CFHR4: variants seen among roughly 807,000 people sequenced by gnomAD.
The protein encoded by CFHR4 is complement factor H related 4.
A neutral mutation model predicts 69.3 loss-of-function variants in CFHR4; 64 were observed. The observed-to-expected ratio is 0.92, with a 90% CI of 0.76 to 1.14. The LOEUF (loss-of-function observed/expected upper bound fraction) is 1.14, where lower values mean the gene tolerates loss of function less well. CFHR4 is among the 50% of genes most tolerant of loss of function. CFHR4 has a pLI of 0.00. For missense variants in CFHR4, 636 were observed against 684.9 expected (o/e 0.93, Z 0.80); for synonymous variants, 244 against 237.0 (o/e 1.03, Z -0.27).
At position 196,912,924 on chromosome 1, in the gene CFHR4, T is replaced by C. The variant is rs186328486; in HGVS notation, c.1180+2T>C. ...GGTCAGCACAACCAATTTGCATTAG[T>C]AAGTGATTTACATATTCCCATTCAG... is the stretch of plus-strand genomic sequence containing the variant. On this transcript the variant is annotated splice_donor_variant, in intron 7 of 9. Transcript: ENST00000608469. LOFTEE classifies it high-confidence loss of function. 1.5e-4 allele frequency: 244 copies of C among 1,610,592 alleles called. 5 individuals carry two copies. In the East Asian group the frequency reaches 3.2e-3, roughly 21 times the overall value.
At chr1:196,910,153 A>C in intron 5 of CFHR4, 128 bp from the exon 6 acceptor site, 4 of 596,226 alleles carry the variant, frequency 6.7e-6, no homozygotes, top group Admixed American at 7.0e-5. Flanking sequence ...TTTCATCTAA[A>C]AAAAAAAAAA....
chr1:196,890,931 C>G lies in CFHR4; in HGVS notation c.58+2723C>G, dbSNP rs531533153. Among the ~76,000 whole-genome samples the G allele has an allele frequency of 8.6e-5, 13 of 151,552 alleles. No individual in the cohort carries two copies. The South Asian group carries it at 2.5e-3, about 29-fold the overall frequency. ...AGAAATGAACCTAAACTATGAAAAC[C>G]TCACTTCAGGTTCGAAAATGTCGTT... is the stretch of plus-strand genomic sequence containing the variant. On this transcript the variant is annotated intron_variant, in intron 1 of 9. Transcript: ENST00000608469.
intron 3 of CFHR4, among the ~76,000 whole-genome samples, chr1:196,906,514 A>T (rs1036945943): frequency 6.6e-6 from 1 of 151,616 alleles, no homozygotes; most frequent in African/African-American, 2.4e-5. Flanking sequence ...TAACTTTTAA[A>T]TTCACAAAAT....
intron 1 of CFHR4, among the ~76,000 whole-genome samples, chr1:196,897,482 C>T (rs192083888): frequency 6.6e-6 from 1 of 151,546 alleles, no homozygotes; most frequent in East Asian, 1.9e-4. Context: ...CCCAGTGGTC[C>T]TAAAGAATTG....
At chr1:196,911,147 TG>T (rs1301018179) in intron 6 of CFHR4, among the ~76,000 whole-genome samples, 1 of 151,614 alleles carries the variant, frequency 6.6e-6, no homozygotes, top group Non-Finnish European at 1.5e-5. Context: ...CACCTTTAAC[TG>T]GAAAATTTTG....
rs762712594 is a variant in CFHR4, at chr1:196,907,579, G to T, written c.799+81G>T. 2.1e-5 allele frequency: 25 copies of T among 1,164,812 alleles called. 1 individual carries two copies. Among genetic ancestry groups the T allele is most frequent in the Non-Finnish European group, 3.0e-5 (24 of 806,718 alleles). The allele number at this position is 1,164,812 out of a possible 1,614,324, so 72.2% of individuals were successfully genotyped here. ...TTTATTTATACTAAAATTTTTATGG[G>T]TTATTACCCTAGAACTGTGTTCACA... On this transcript the variant is annotated intron_variant, in intron 5 of 9. Transcript: ENST00000608469.
chr1:196,917,105 A>G (rs1271020670), intron 9 of CFHR4, among the ~76,000 whole-genome samples: 2 of 151,700 alleles, frequency 1.3e-5, no homozygotes, highest in Non-Finnish European at 2.9e-5. Context: ...CAAAAGTGAT[A>G]TGTACTATGT....
At chr1:196,896,706 C>A (rs1460204050) in intron 1 of CFHR4, among the ~76,000 whole-genome samples, 1 of 151,442 alleles carries the variant, frequency 6.6e-6, no homozygotes, top group Non-Finnish European at 1.5e-5. Flanking sequence ...CGATCCAAGT[C>A]ATCCCTAGAA....
At chr1:196,915,462 C>G (rs965676771) in intron 9 of CFHR4, among the ~76,000 whole-genome samples, 34 of 150,322 alleles carry the variant, frequency 2.3e-4, no homozygotes, top group African/African-American at 3.2e-4. Flanking sequence ...ATGGTGAACC[C>G]TGTCTCTACA....
chr1:196,902,377 GA>G (rs929065108), intron 1 of CFHR4, 40 bp from the exon 2 acceptor site: 12 of 1,332,784 alleles, frequency 9.0e-6, no homozygotes, highest in Admixed American at 5.6e-5. Context: ...ATCTGTTATA[GA>G]AAAACATTAT....
Position 196,907,345 on chromosome 1 carries a change from C to G in CFHR4, c.646C>G (p.Pro216Ala). Residue 216 changes from proline (P) to alanine (A), a missense_variant, in exon 5 of 10, where the codon CCT (proline) becomes GCT (alanine). Physicochemically the swap from Pro to Ala is conservative, Grantham distance 27 (BLOSUM62 -1). Coordinates refer to ENST00000608469, the MANE Select transcript of CFHR4 (RefSeq NM_001201550.3). ...NSSENCGPPP[P>A]ISNGDTTSFP... ...TTCAGAAAACTGTGGGCCTCCTCCA[C>G]CTATTAGCAATGGAGATACCACGTC... The G allele has an allele frequency of 6.2e-7, 1 of 1,611,584 alleles. No individual in the cohort carries two copies.
chr1:196,900,895 G>T (rs190740152), intron 1 of CFHR4, among the ~76,000 whole-genome samples: 1 of 151,518 alleles, frequency 6.6e-6, no homozygotes, highest in Non-Finnish European at 1.5e-5. Flanking sequence ...TATAGGCCAA[G>T]AAACTATACA....
At chr1:196,895,764 T>C (rs2124939632) in intron 1 of CFHR4, among the ~76,000 whole-genome samples, 1 of 151,604 alleles carries the variant, frequency 6.6e-6, no homozygotes. Context: ...TCAGGGAAAC[T>C]TTCAGTTTAT....
intron 1 of CFHR4, among the ~76,000 whole-genome samples, chr1:196,889,350 A>G (rs971951557): frequency 2.0e-5 from 3 of 151,654 alleles, no homozygotes; most frequent in Non-Finnish European, 4.4e-5. Flanking sequence ...AAACTGCTAC[A>G]GGCACATTTT....
chr1:196,906,969 G>GT lies in CFHR4; in HGVS notation c.550dup (p.Tyr184LeufsTer12), dbSNP rs761094915. 12 of 1,612,518 alleles carry GT rather than the reference G, an allele frequency of 7.4e-6. No homozygotes were observed. The Admixed American group carries it at 2.0e-4, about 27-fold the overall frequency. On this transcript the variant is annotated frameshift_variant, in exon 4 of 10. Coordinates refer to ENST00000608469, the MANE Select transcript of CFHR4 (RefSeq NM_001201550.3). LOFTEE classifies it high-confidence loss of function. ...GAATGCTATGATGGATATGAAAGCA[G>GT]TTATGGAAACACCACAGATTCCATA...
intron 1 of CFHR4, among the ~76,000 whole-genome samples, chr1:196,895,865 A>C (rs1462383788): frequency 6.6e-6 from 1 of 151,602 alleles, no homozygotes; most frequent in Non-Finnish European, 1.5e-5. Flanking sequence ...AATAATGGGT[A>C]ACAACTGGAA....
intron 1 of CFHR4, among the ~76,000 whole-genome samples, chr1:196,893,603 T>C (rs1485523585): frequency 6.6e-6 from 1 of 151,608 alleles, no homozygotes; most frequent in Non-Finnish European, 1.5e-5. Flanking sequence ...CCTTGGAAAA[T>C]ATATTTCACT....
intron 1 of CFHR4, among the ~76,000 whole-genome samples, chr1:196,896,816 C>T (rs930335957): frequency 1.3e-5 from 2 of 151,548 alleles, no homozygotes; most frequent in African/African-American, 2.4e-5. Flanking sequence ...TTTCCTCCTC[C>T]GCCATCTTCC....
chr1:196,904,189 C>T (rs1657772907), intron 2 of CFHR4, among the ~76,000 whole-genome samples: 1 of 151,550 alleles, frequency 6.6e-6, no homozygotes, highest in African/African-American at 2.4e-5. Flanking sequence ...TGTTGTGTGT[C>T]AAGTGCCTTT....
Sources: allele counts gnomAD v4.1 joint callset (sites outside exome capture counted in the v4.1 genomes callset), GRCh38; gene constraint gnomAD v4.1.1; transcripts MANE v1.5; gene names NCBI Gene and HGNC (gene_info 2026-07-23, HGNC 2026-07-21).